The following SV2C variants were observed in gnomAD, a reference collection of about 807,000 sequenced individuals.
SV2C encodes synaptic vesicle glycoprotein 2C.
SV2C carries 49 observed loss-of-function variants against 79.7 expected under a neutral mutation model. The ratio of observed to expected loss-of-function variants is 0.61; its 90% confidence interval spans 0.49 to 0.78. SV2C has a LOEUF of 0.78. Ranked by LOEUF, SV2C falls within the 30% of genes least tolerant of loss-of-function variation. The pLI is 0.00. For missense variants in SV2C, 833 were observed against 912.9 expected, an observed-to-expected ratio of 0.91 and a Z score of 1.13; for synonymous variants, 334 against 333.2, an observed-to-expected ratio of 1.00 and a Z score of -0.03.
At chr5:75,951,925 C>G in the SV2C span, among the ~76,000 whole-genome samples, 1 of 151,956 alleles carries the variant, frequency 6.6e-6, no homozygotes, top group Non-Finnish European at 1.5e-5. Context: ...ACTTGTGATA[C>G]AGCAAAGGGA....
At chr5:76,114,775 G>A (rs867494140) in intron 1 of SV2C, among the ~76,000 whole-genome samples, 3 of 152,206 alleles carry the variant, frequency 2.0e-5, no homozygotes, top group Non-Finnish European at 2.9e-5. Context: ...TGTGCTCGCC[G>A]GCTAGGGAAA....
chr5:76,141,892 ATTG>A (rs1749266425), intron 2 of SV2C, among the ~76,000 whole-genome samples: 1 of 151,838 alleles, frequency 6.6e-6, no homozygotes, highest in African/African-American at 2.4e-5. Flanking sequence ...AGGCAGTTGA[ATTG>A]TTAATTATCT....
At chr5:76,116,833 A>G (rs896996192) in intron 1 of SV2C, among the ~76,000 whole-genome samples, 1 of 152,168 alleles carries the variant, frequency 6.6e-6, no homozygotes, top group African/African-American at 2.4e-5. Context: ...CCAAAGAGCT[A>G]TGAGATCTTG....
chr5:76,051,429 G>T, the SV2C span, among the ~76,000 whole-genome samples: 2 of 152,112 alleles, frequency 1.3e-5, no homozygotes, highest in African/African-American at 4.8e-5. Flanking sequence ...TAAATCTATT[G>T]TAAGTGTTCA....
chr5:76,132,263 C>G lies in SV2C; in HGVS notation c.513C>G (p.Val171=). 6.2e-7 allele frequency: 1 copy of G among 1,613,958 alleles called. No homozygotes were observed. The highest frequency in any genetic ancestry group is 8.5e-7 in the Non-Finnish European group (1 of 1,179,966). ...TGGCAGACGGTGTAGAGGTGTTTGT[C>G]GTTGGCTTCGTGTTACCCAGTGCTG... ...ALMADGVEVF[V]VGFVLPSAET... The change falls in exon 2 of 13, where the codon GTC becomes GTG. Residue 171 remains valine, a synonymous_variant. Transcript: ENST00000502798.
At chr5:76,045,462 C>T in the SV2C span, among the ~76,000 whole-genome samples, 8 of 152,020 alleles carry the variant, frequency 5.3e-5, no homozygotes, top group Non-Finnish European at 7.4e-5. Flanking sequence ...TGTCAATGGT[C>T]ATTTGATGGG....
chr5:76,196,097 T>C (rs1744264244), intron 3 of SV2C, among the ~76,000 whole-genome samples: 1 of 152,216 alleles, frequency 6.6e-6, no homozygotes, highest in African/African-American at 2.4e-5. Context: ...TTGTTAGTGA[T>C]ACATCACCAC....
chr5:75,905,035 C>T, the SV2C span, among the ~76,000 whole-genome samples: 5 of 152,218 alleles, frequency 3.3e-5, no homozygotes, highest in African/African-American at 9.6e-5. Flanking sequence ...TAAAAATGAC[C>T]GTGCTTCAAA....
the SV2C span, among the ~76,000 whole-genome samples, chr5:75,994,643 A>G: frequency 6.6e-6 from 1 of 152,134 alleles, no homozygotes; most frequent in Non-Finnish European, 1.5e-5. Context: ...ATTTTAAAGA[A>G]TGGATTAAAA....
At chr5:75,947,507 T>G in the SV2C span, among the ~76,000 whole-genome samples, 2 of 151,968 alleles carry the variant, frequency 1.3e-5, no homozygotes, top group Non-Finnish European at 2.9e-5. Context: ...TCCCTCAGAC[T>G]CTGGATGCTG....
intron 12 of SV2C, chr5:76,353,055 C>T (rs1749672099): frequency 6.7e-6 from 3 of 450,220 alleles, no homozygotes; most frequent in African/African-American, 4.0e-5. Context: ...ATCCTCTTGC[C>T]TCTGCCACCC....
At chr5:76,339,982 A>T (rs909815308) in intron 12 of SV2C, among the ~76,000 whole-genome samples, 1 of 152,216 alleles carries the variant, frequency 6.6e-6, no homozygotes, top group African/African-American at 2.4e-5. Flanking sequence ...GACCTTGCTG[A>T]TAAAACAGGT....
chr5:76,008,277 G>C, the SV2C span, among the ~76,000 whole-genome samples: 4 of 152,136 alleles, frequency 2.6e-5, no homozygotes, highest in African/African-American at 9.7e-5. Context: ...GTCTCAGCAG[G>C]GGAGCCTGTG....
intron 6 of SV2C, 140 bp from the exon 7 acceptor site, chr5:76,291,081 C>T: frequency 3.8e-6 from 2 of 519,508 alleles, no homozygotes; most frequent in Non-Finnish European, 6.8e-6. Context: ...GCAGTGGTCT[C>T]ATATATGTAT....
At chr5:75,847,560 A>G in the SV2C span, among the ~76,000 whole-genome samples, 1 of 152,224 alleles carries the variant, frequency 6.6e-6, no homozygotes, top group Non-Finnish European at 1.5e-5. Context: ...TTGCTTTGCC[A>G]TTTCAAGTCC....
At chr5:76,285,709 G>A in intron 5 of SV2C, 72 bp from the exon 6 acceptor site, 1 of 1,284,712 alleles carries the variant, frequency 7.8e-7, no homozygotes, top group South Asian at 1.3e-5. Context: ...GACAATGCAA[G>A]ACGGCTATTG....
At chr5:76,222,425 G>A (rs1745092922) in intron 4 of SV2C, among the ~76,000 whole-genome samples, 1 of 151,794 alleles carries the variant, frequency 6.6e-6, no homozygotes. Context: ...GGGAGAACAT[G>A]TTAATTATTG....
chr5:76,071,181 C>G, the SV2C span, among the ~76,000 whole-genome samples: 1 of 152,170 alleles, frequency 6.6e-6, no homozygotes, highest in African/African-American at 2.4e-5. Context: ...GACCTAATGC[C>G]AAAATGGGGC....
chr5:75,996,052 G>C, the SV2C span, among the ~76,000 whole-genome samples: 1 of 152,148 alleles, frequency 6.6e-6, no homozygotes. Flanking sequence ...GAAAATAAGA[G>C]TAAAATCTCC....
Sources: gnomAD v4.1 joint callset for allele counts (sites outside exome capture counted in the v4.1 genomes callset) on GRCh38, gnomAD v4.1.1 for gene constraint, MANE v1.5 for transcripts, NCBI Gene and HGNC (gene_info 2026-07-23, HGNC 2026-07-21) for gene names.